Variants in LAMC1 observed in about 807,000 individuals in gnomAD.
LAMC1 encodes the protein laminin subunit gamma-1.
A neutral mutation model predicts 173.6 loss-of-function variants in LAMC1; 38 were observed. That is an observed-to-expected ratio of 0.22 (90% CI 0.17 to 0.29). The LOEUF (loss-of-function observed/expected upper bound fraction) is 0.29. Ranked by LOEUF, LAMC1 falls within the 10% of genes least tolerant of loss-of-function variation. The probability of loss-of-function intolerance (pLI) is 1.00; values close to 1 mark genes in which losing one functional copy is unlikely to be tolerated. For missense variants in LAMC1, 1,824 were observed against 2,051.8 expected (o/e 0.89, Z 2.14); for synonymous variants, 746 against 749.1 (o/e 1.00, Z 0.07).
intron 1 of LAMC1, among the ~76,000 whole-genome samples, chr1:183,076,096 T>C (rs759430129): frequency 2.6e-5 from 4 of 152,236 alleles, no homozygotes; most frequent in Non-Finnish European, 5.9e-5. Context: ...AAAACCTCAT[T>C]CTGTCATTTT....
At position 183,124,484 on chromosome 1, in the gene LAMC1, A is replaced by G. The variant is rs1028965898; in HGVS notation, c.2402-147A>G. The G allele has an allele frequency of 1.8e-5, 17 of 922,572 alleles. No homozygotes were observed. The African/African-American group carries it at 2.8e-4, about 15-fold the overall frequency. The allele number at this position is 922,572 out of a possible 1,614,324, so 57.1% of individuals were successfully genotyped here. A position where few individuals can be genotyped will look rare whatever the true frequency, so the allele number is the denominator to read the frequency against. On this transcript the variant is annotated intron_variant, in intron 13 of 27. Coordinates refer to ENST00000258341, the MANE Select transcript of LAMC1 (RefSeq NM_002293.4). ...CACTCTGGTGGTCTGGCCCCGTGCC[A>G]GGGCTGCAGCCCAGGTCCTCTGCCC...
At chr1:183,076,380 A>G (rs572907213) in intron 1 of LAMC1, among the ~76,000 whole-genome samples, 9 of 152,354 alleles carry the variant, frequency 5.9e-5, no homozygotes, top group African/African-American at 1.9e-4. Flanking sequence ...AATTGTTAGC[A>G]GTAAGGAACA....
rs1422275631 is a variant in LAMC1 at position 183,023,626 on chromosome 1, A to C, written c.-91A>C. 6 of 1,013,218 alleles carry C rather than the reference A, an allele frequency of 5.9e-6. No individual in the cohort carries two copies. The highest frequency in any genetic ancestry group is 4.1e-4 in the Middle Eastern group (1 of 2,456). 62.8% of individuals were successfully genotyped at this position (1,013,218 alleles called of 1,614,324 possible). A position where few individuals can be genotyped will look rare whatever the true frequency, so the allele number is the denominator to read the frequency against. ...TCAGGCCCCTGGGCCCCCAGGCTCA[A>C]GCAGCGAAGCGGCCTCCGGGGGACG... On this transcript the variant is annotated 5_prime_UTR_variant, in exon 1 of 28. Coordinates refer to ENST00000258341, the MANE Select transcript of LAMC1 (RefSeq NM_002293.4).
chr1:183,050,281 CTTTTTT>C (rs892649686), intron 1 of LAMC1, among the ~76,000 whole-genome samples: 1 of 115,538 alleles, frequency 8.7e-6, no homozygotes, highest in African/African-American at 3.4e-5. Flanking sequence ...TTCTCAGATT[CTTTTTT>C]TTTTTTTTTT....
chr1:183,112,234 A>G (rs1236796826), intron 4 of LAMC1, among the ~76,000 whole-genome samples: 1 of 152,164 alleles, frequency 6.6e-6, no homozygotes, highest in Non-Finnish European at 1.5e-5. Context: ...CTTTAATTCC[A>G]TTACTGAACT....
At chr1:183,133,988 C>T (rs550627612) in intron 22 of LAMC1, among the ~76,000 whole-genome samples, 2 of 152,162 alleles carry the variant, frequency 1.3e-5, no homozygotes, top group African/African-American at 4.8e-5. Flanking sequence ...ACATTTACTC[C>T]CAGGCTCTGT....
chr1:183,079,028 G>C (rs955025074), intron 1 of LAMC1, among the ~76,000 whole-genome samples: 1 of 151,958 alleles, frequency 6.6e-6, no homozygotes, highest in African/African-American at 2.4e-5. Flanking sequence ...ATAAGGAGGA[G>C]TGAAGAGTGA....
chr1:183,110,474 T>C lies in LAMC1; in HGVS notation c.855-14T>C. The stretch of plus-strand genomic sequence containing the variant: ...CAGCTGTTCCATTTTTTGGAGTATC[T>C]CTTCTCTCCCCAGATGTAAATGTAA... On this transcript the variant is annotated splice_polypyrimidine_tract_variant and intron_variant, in intron 3 of 27. Transcript: ENST00000258341. The C allele has an allele frequency of 6.3e-7, 1 of 1,592,536 alleles. No homozygotes were observed. Among genetic ancestry groups the C allele is most frequent in the Non-Finnish European group, 8.6e-7 (1 of 1,164,918 alleles).
Position 183,134,864 on chromosome 1 carries a change from A to G in LAMC1, c.3999+55A>G, listed in dbSNP as rs1300165640. 38 of 1,559,130 alleles carry G rather than the reference A, an allele frequency of 2.4e-5. No individual in the cohort carries two copies. The South Asian group carries it at 2.7e-4, about 11-fold the overall frequency. The stretch of plus-strand genomic sequence containing the variant: ...CTTGAGGCAACATTTGAACAGTCCA[A>G]ATGGGTCTGTGATGATGCCGTACTT... On this transcript the variant is annotated intron_variant, in intron 23 of 27. Transcript: ENST00000258341.
chr1:183,035,222 T>C (rs1490284644), intron 1 of LAMC1, among the ~76,000 whole-genome samples: 1 of 152,272 alleles, frequency 6.6e-6, no homozygotes, highest in Non-Finnish European at 1.5e-5. Flanking sequence ...AGGGTCTTGC[T>C]CTGTCATCCA....
At chr1:183,134,287 T>C (rs1656877062) in intron 22 of LAMC1, among the ~76,000 whole-genome samples, 2 of 152,232 alleles carry the variant, frequency 1.3e-5, no homozygotes, top group Admixed American at 1.3e-4. Flanking sequence ...TATTTATAAT[T>C]AGAAAATAGG....
chr1:183,101,512 T>C (rs576483311), intron 1 of LAMC1, among the ~76,000 whole-genome samples: 2 of 151,714 alleles, frequency 1.3e-5, no homozygotes, highest in Non-Finnish European at 2.9e-5. Flanking sequence ...TCAGGTCCTT[T>C]TATGTGAACG....
chr1:183,055,660 A>C (rs1417324172), intron 1 of LAMC1, among the ~76,000 whole-genome samples: 1 of 152,016 alleles, frequency 6.6e-6, no homozygotes, highest in Non-Finnish European at 1.5e-5. Flanking sequence ...AAAAATACAA[A>C]AATGAGATGG....
At chr1:183,125,350 C>T (rs961854322) in intron 14 of LAMC1, 47 bp from the exon 15 acceptor site, 1 of 1,596,016 alleles carries the variant, frequency 6.3e-7, no homozygotes, top group Non-Finnish European at 8.6e-7. Flanking sequence ...TTTAGTATTT[C>T]TCTCAGGTGA....
chr1:183,050,364 C>T (rs566294245), intron 1 of LAMC1, among the ~76,000 whole-genome samples: 11 of 147,830 alleles, frequency 7.4e-5, no homozygotes, highest in Non-Finnish European at 1.6e-4. Context: ...TCACTGCAAG[C>T]GCCACCTCCC....
Position 183,125,024 on chromosome 1 carries a change from C to T in LAMC1, c.2647+148C>T, listed in dbSNP as rs1190344020. 4 of 1,079,118 alleles carry T rather than the reference C, an allele frequency of 3.7e-6. No individual in the cohort carries two copies. In the South Asian group the frequency reaches 5.0e-5, roughly 13 times the overall value. The allele number at this position is 1,079,118 out of a possible 1,614,324, so 66.8% of individuals were successfully genotyped here. On this transcript the variant is annotated intron_variant, in intron 14 of 27. Transcript: ENST00000258341. ...GTCTTTTAAAATTTTCTAGTCACCA[C>T]ATTAAAAAAGTATAAAGAAGGACAG...
Position 183,114,612 on chromosome 1 carries a change from C to T in LAMC1, c.1103C>T (p.Thr368Ile). ...YRSTGHGGHC[T>I]NCQDNTDGAH... Reference sequence around the variant, plus strand: ...TCCACTGGCCATGGGGGCCACTGTACCAACTGCCAGGATAACACAGATGGC... The same window carrying T: ...TCCACTGGCCATGGGGGCCACTGTATCAACTGCCAGGATAACACAGATGGC... Residue 368 changes from threonine (T) to isoleucine (I), a missense_variant, in exon 5 of 28, where the codon ACC becomes ATC. Coordinates refer to ENST00000258341, the MANE Select transcript of LAMC1 (RefSeq NM_002293.4). 6.2e-7 allele frequency: 1 copy of T among 1,614,184 alleles called. No individual in the cohort carries two copies. The highest frequency in any genetic ancestry group is 8.5e-7 in the Non-Finnish European group (1 of 1,180,038).
At chr1:183,087,658 A>G (rs1285811865) in intron 1 of LAMC1, among the ~76,000 whole-genome samples, 2 of 152,142 alleles carry the variant, frequency 1.3e-5, no homozygotes, top group African/African-American at 4.8e-5. Context: ...GGAAAGCCAG[A>G]GCTGCTAAAA....
intron 1 of LAMC1, among the ~76,000 whole-genome samples, chr1:183,063,584 G>T (rs984196664): frequency 6.6e-6 from 1 of 152,090 alleles, no homozygotes; most frequent in Admixed American, 6.6e-5. Context: ...CTTTTGTAGG[G>T]GCCATGCTAT....
Sources: gnomAD v4.1 joint callset for allele counts (sites outside exome capture counted in the v4.1 genomes callset) on GRCh38, gnomAD v4.1.1 for gene constraint, MANE v1.5 for transcripts, NCBI Gene and HGNC (gene_info 2026-07-23, HGNC 2026-07-21) for gene names.